CEP57: variants seen among roughly 807,000 people sequenced by gnomAD.
The protein encoded by CEP57 is centrosomal protein 57, also known as centrosomal protein of 57 kDa.
Under a neutral mutation model 68.0 loss-of-function variants are expected in CEP57, and 40 were observed. The observed-to-expected ratio is 0.59, with a 90% CI of 0.46 to 0.77. The LOEUF (loss-of-function observed/expected upper bound fraction) is 0.77. Ranked by LOEUF, CEP57 falls within the 30% of genes least tolerant of loss-of-function variation. CEP57 has a pLI of 0.00. For missense variants in CEP57, 606 were observed against 580.7 expected (o/e 1.04, Z -0.45); for synonymous variants, 219 against 198.7 (o/e 1.10, Z -0.86).
chr11:95,805,028 A>T (rs1018172496), intron 2 of CEP57, among the ~76,000 whole-genome samples: 25 of 152,234 alleles, frequency 1.6e-4, no homozygotes, highest in Admixed American at 1.6e-3. Context: ...TATCCTTGTG[A>T]TACTACAGTT....
intron 2 of CEP57, among the ~76,000 whole-genome samples, chr11:95,801,897 T>G (rs1340098025): frequency 6.6e-6 from 1 of 152,170 alleles, no homozygotes; most frequent in African/African-American, 2.4e-5. Context: ...TAGAGCATGA[T>G]GCGGTGAACT....
intron 9 of CEP57, among the ~76,000 whole-genome samples, chr11:95,828,915 G>A (rs966708787): frequency 2.0e-5 from 3 of 151,810 alleles, no homozygotes; most frequent in East Asian, 1.9e-4. Flanking sequence ...GGTGGCAGGC[G>A]CCTGTAGTCC....
At position 95,821,993 on chromosome 11, in the gene CEP57, C is replaced by T. The variant is rs1199068119; in HGVS notation, c.807+15C>T. On this transcript the variant is annotated intron_variant, in intron 7 of 10. Coordinates refer to ENST00000325542, the MANE Select transcript of CEP57 (RefSeq NM_014679.5). The stretch of plus-strand genomic sequence containing the variant: ...CACCAGAAAAGGTGTGAAGACAGAA[C>T]CAAATCAGGCAAAATGCTGATTACT... 1.9e-6 allele frequency: 3 copies of T among 1,553,900 alleles called. No homozygotes were observed. The Admixed American group carries it at 5.0e-5, about 26-fold the overall frequency.
At chr11:95,794,443 T>C (rs1160711235) in intron 1 of CEP57, 1 of 400,502 alleles carries the variant, frequency 2.5e-6, no homozygotes, top group Non-Finnish European at 5.0e-6. Context: ...TTTTATGTCC[T>C]CTTAAATGGA....
At chr11:95,807,872 C>A (rs1159958597) in intron 2 of CEP57, among the ~76,000 whole-genome samples, 1 of 152,096 alleles carries the variant, frequency 6.6e-6, no homozygotes, top group African/African-American at 2.4e-5. Context: ...CAGATAATGC[C>A]ACAAAGATAC....
intron 3 of CEP57, 107 bp downstream of exon 3, chr11:95,813,218 C>G (rs1487809113): frequency 8.5e-7 from 1 of 1,174,778 alleles, no homozygotes; most frequent in Non-Finnish European, 1.2e-6. Flanking sequence ...TCTTCAAGTA[C>G]TACAAAACTG....
rs934272401 is a variant in CEP57, at chr11:95,822,134, C to A, written c.807+156C>A. ...AAGGTGGAGATAAGTAATACCTACT[C>A]CTAAATTTTTATCCTGATAGTGAGA... On this transcript the variant is annotated intron_variant, in intron 7 of 10. Transcript: ENST00000325542. 14 of 653,018 alleles carry A rather than the reference C, an allele frequency of 2.1e-5. No homozygotes were observed. In the African/African-American group the frequency reaches 2.4e-4, roughly 11 times the overall value. The allele number at this position is 653,018 out of a possible 1,614,324, so 40.5% of individuals were successfully genotyped here.
intron 5 of CEP57, 149 bp downstream of exon 5, chr11:95,818,052 GGAGA>G: frequency 3.2e-6 from 2 of 619,588 alleles, no homozygotes; most frequent in Non-Finnish European, 5.8e-6. Flanking sequence ...ATATAAATTT[GGAGA>G]GAATGTTCAC....
At chr11:95,812,902 A>G (rs902947683) in intron 2 of CEP57, 30 bp from the exon 3 acceptor site, 1 of 1,603,620 alleles carries the variant, frequency 6.2e-7, no homozygotes, top group African/African-American at 1.3e-5. Flanking sequence ...ATGCTGTTAC[A>G]GCATCCACGT....
At chr11:95,802,136 A>G (rs1006917914) in intron 2 of CEP57, among the ~76,000 whole-genome samples, 3 of 152,168 alleles carry the variant, frequency 2.0e-5, no homozygotes, top group African/African-American at 7.2e-5. Flanking sequence ...AGGAGAGGAA[A>G]ACCTCTCAGA....
intron 5 of CEP57, 37 bp from the exon 6 acceptor site, chr11:95,818,790 T>G: frequency 6.5e-7 from 1 of 1,536,576 alleles, no homozygotes. Flanking sequence ...CACTTAAGAT[T>G]TTTCACCTTT....
In CEP57 at chr11:95,827,922, G is replaced by A. The variant is rs1042667888; in HGVS notation, c.1022G>A (p.Gly341Asp). ...GCAAAGCAAGTATCTTCACGAGGTG[G>A]TAAAAGTAAGAAGTTGTCAGTAACA... ...PLAKQVSSRG[G>D]KSKKLSVTPP... The change falls in exon 9 of 11, where the codon GGT becomes GAT. Residue 341 changes from glycine to aspartate, a missense_variant. Physicochemically the swap from Gly to Asp is moderately conservative, Grantham distance 94. Transcript: ENST00000325542. The A allele has an allele frequency of 1.9e-6, 3 of 1,613,982 alleles. No individual in the cohort carries two copies. Among genetic ancestry groups the A allele is most frequent in the African/African-American group, 2.7e-5 (2 of 74,916 alleles).
chr11:95,794,013 C>T (rs908971140), intron 1 of CEP57, among the ~76,000 whole-genome samples: 7 of 152,098 alleles, frequency 4.6e-5, no homozygotes. Context: ...TTTAATAAGT[C>T]AAACAAAATA....
intron 1 of CEP57, among the ~76,000 whole-genome samples, chr11:95,792,313 AC>A (rs1861122456): frequency 6.6e-6 from 1 of 152,138 alleles, no homozygotes; most frequent in Non-Finnish European, 1.5e-5. Context: ...GCACTTGGAG[AC>A]CGAACAAGGA....
Position 95,790,685 on chromosome 11 carries a change from G to A in CEP57, c.-14G>A. On this transcript the variant is annotated 5_prime_UTR_variant, in exon 1 of 11. Coordinates refer to ENST00000325542, the MANE Select transcript of CEP57 (RefSeq NM_014679.5). Reference sequence around the variant, plus strand: ...CGCCCCCGAAGTGCGGAGACCCCCTGGGCAGGCTGAAAGATGGCGGCGGCG... The same window carrying A: ...CGCCCCCGAAGTGCGGAGACCCCCTAGGCAGGCTGAAAGATGGCGGCGGCG... The A allele has an allele frequency of 1.2e-6, 2 of 1,613,690 alleles. No individual in the cohort carries two copies. Among genetic ancestry groups the A allele is most frequent in the Non-Finnish European group, 1.7e-6 (2 of 1,179,862 alleles).
intron 8 of CEP57, among the ~76,000 whole-genome samples, chr11:95,824,838 G>C (rs1307784399): frequency 6.6e-6 from 1 of 152,108 alleles, no homozygotes; most frequent in Non-Finnish European, 1.5e-5. Context: ...GCCTTCAAGG[G>C]GAAATATACC....
intron 2 of CEP57, among the ~76,000 whole-genome samples, 190 bp from the exon 3 acceptor site, chr11:95,812,742 C>T (rs1862121738): frequency 6.6e-6 from 1 of 152,140 alleles, no homozygotes; most frequent in Non-Finnish European, 1.5e-5. Context: ...ACCCGGCCCA[C>T]TCAATGTCTT....
At chr11:95,822,010 C>A in intron 7 of CEP57, 32 bp downstream of exon 7, 3 of 1,426,876 alleles carry the variant, frequency 2.1e-6, no homozygotes, top group Non-Finnish European at 3.0e-6. Context: ...AGGCAAAATG[C>A]TGATTACTTG....
intron 1 of CEP57, among the ~76,000 whole-genome samples, chr11:95,791,467 AAGCTTTGAT>A (rs1861072015): frequency 6.6e-6 from 1 of 152,194 alleles, no homozygotes; most frequent in African/African-American, 2.4e-5. Flanking sequence ...CGGCATTGGA[AAGCTTTGAT>A]AGGAAGTAAA....
Sources: gnomAD v4.1 joint callset for allele counts (sites outside exome capture counted in the v4.1 genomes callset) on GRCh38, gnomAD v4.1.1 for gene constraint, MANE v1.5 for transcripts, NCBI Gene and HGNC (gene_info 2026-07-23, HGNC 2026-07-21) for gene names.